Variants in RERE observed in about 807,000 individuals in gnomAD.
The protein encoded by RERE is arginine-glutamic acid dipeptide repeats.
In RERE, 40 loss-of-function variants were observed where a neutral mutation model predicts 146.1. The ratio of observed to expected loss-of-function variants is 0.27; its 90% CI spans 0.21 to 0.36. The LOEUF (loss-of-function observed/expected upper bound fraction) is 0.36, where lower values mean the gene tolerates loss of function less well. RERE is among the 10% of genes least tolerant of loss of function. The pLI is 1.00. For synonymous variants in RERE, 1,003 were observed against 866.0 expected (o/e 1.16, Z -2.78); for missense variants, 1,933 against 2,138.7 (o/e 0.90, Z 1.90).
intron 4 of RERE, among the ~76,000 whole-genome samples, chr1:8,580,003 C>A (rs1056169566): frequency 1.3e-5 from 2 of 151,848 alleles, no homozygotes; most frequent in Non-Finnish European, 2.9e-5. Context: ...GACTCCATCT[C>A]AAAAAAGACA....
At chr1:8,408,966 G>A (rs1643536665) in intron 12 of RERE, among the ~76,000 whole-genome samples, 1 of 152,176 alleles carries the variant, frequency 6.6e-6, no homozygotes, top group Non-Finnish European at 1.5e-5. Context: ...GGTAGGATGT[G>A]AGGTAGGAGA....
intron 4 of RERE, among the ~76,000 whole-genome samples, chr1:8,609,315 G>A (rs1172968173): frequency 6.6e-6 from 1 of 152,252 alleles, no homozygotes; most frequent in Non-Finnish European, 1.5e-5. Context: ...AGGCCCAGCC[G>A]GGTTCTCTGA....
intron 4 of RERE, among the ~76,000 whole-genome samples, chr1:8,600,627 T>G (rs562550736): frequency 6.6e-6 from 1 of 152,160 alleles, no homozygotes; most frequent in Admixed American, 6.5e-5. Context: ...TCCCCCACCT[T>G]CCAGAGAAAA....
chr1:8,567,961 AG>A (rs2124445227), intron 4 of RERE, among the ~76,000 whole-genome samples: 1 of 152,316 alleles, frequency 6.6e-6, no homozygotes, highest in Non-Finnish European at 1.5e-5. Flanking sequence ...GGTTAATATC[AG>A]GTGTCTGAAC....
intron 1 of RERE, among the ~76,000 whole-genome samples, chr1:8,788,133 T>G (rs1313433861): frequency 6.6e-6 from 1 of 151,910 alleles, no homozygotes; most frequent in Non-Finnish European, 1.5e-5. Flanking sequence ...GTGCTGTATG[T>G]ACAAGAAGTT....
chr1:8,767,439 A>C (rs1216115033), intron 1 of RERE, among the ~76,000 whole-genome samples: 1 of 152,064 alleles, frequency 6.6e-6, no homozygotes, highest in Non-Finnish European at 1.5e-5. Flanking sequence ...CATCTCTACA[A>C]AAAGCAAGTC....
rs532784492 is a variant in RERE, at chr1:8,549,504, G to A, written c.725+6971C>T. Among the ~76,000 whole-genome samples the A allele has an allele frequency of 4.6e-5, 7 of 152,132 alleles. No individual in the cohort carries two copies. The East Asian group carries it at 1.2e-3, about 25-fold the overall frequency. ...ACTACAGTGGAATTCCAATTAATAAGTGTAGAAGAAAAGAAAAAAAAATGA... is the reference window on the plus strand; with the variant it reads ...ACTACAGTGGAATTCCAATTAATAAATGTAGAAGAAAAGAAAAAAAAATGA... On this transcript the variant is annotated intron_variant, in intron 6 of 22. Coordinates refer to ENST00000400908, the MANE Select transcript of RERE (RefSeq NM_001042681.2).
intron 13 of RERE, among the ~76,000 whole-genome samples, chr1:8,365,080 A>AGGGCCT (rs1262503286): frequency 6.6e-6 from 1 of 152,200 alleles, no homozygotes; most frequent in East Asian, 1.9e-4. Context: ...GCCATACCCA[A>AGGGCCT]GGGCCTGCCC....
At chr1:8,386,244 C>T (rs1642678682) in intron 12 of RERE, among the ~76,000 whole-genome samples, 1 of 149,670 alleles carries the variant, frequency 6.7e-6, no homozygotes, top group South Asian at 2.1e-4. Context: ...TCAGAGAGAC[C>T]AAAAATAAAA....
At chr1:8,606,442 A>C (rs1570502274) in intron 4 of RERE, among the ~76,000 whole-genome samples, 3 of 152,214 alleles carry the variant, frequency 2.0e-5, no homozygotes, top group African/African-American at 7.2e-5. Context: ...TTTAAAAAAA[A>C]ATTACCAAGG....
intron 11 of RERE, among the ~76,000 whole-genome samples, chr1:8,463,021 G>A (rs1644546145): frequency 6.6e-6 from 1 of 152,208 alleles, no homozygotes; most frequent in African/African-American, 2.4e-5. Context: ...TTCCTGAGGT[G>A]AGAAAATGTG....
chr1:8,638,783 A>ATTTTTTT lies in RERE; in HGVS notation c.326-14410_326-14404dup, dbSNP rs34276909. On this transcript the variant is annotated intron_variant, in intron 2 of 22. Transcript: ENST00000400908. ...GAAGGAAACTCATAGACGAAAAAAA[A>ATTTTTTT]TTTTTTTTTTTTTTTTTTTTTTTTT... Among the ~76,000 whole-genome samples, 74 of 100,322 alleles carry ATTTTTTT rather than the reference A, an allele frequency of 7.4e-4. 2 individuals are homozygous for ATTTTTTT. The highest frequency in any genetic ancestry group is 2.9e-3 in the African/African-American group (69 of 23,848). 65.8% of individuals were successfully genotyped at this position (100,322 alleles called of 152,430 possible). A position where few individuals can be genotyped will look rare whatever the true frequency, so the allele number is the denominator to read the frequency against.
chr1:8,786,204 A>C, intron 1 of RERE: 1 of 798,506 alleles, frequency 1.3e-6, no homozygotes. Context: ...ACCTCGGTTC[A>C]TTCTTCTAAG....
chr1:8,474,219 C>T (rs1361450406), intron 10 of RERE, among the ~76,000 whole-genome samples: 2 of 152,186 alleles, frequency 1.3e-5, no homozygotes, highest in East Asian at 3.8e-4. Context: ...TTGCTATAAA[C>T]ATTAAATTAT....
At chr1:8,706,113 C>CA (rs61016240) in intron 1 of RERE, among the ~76,000 whole-genome samples, 1,561 of 68,948 alleles carry the variant, frequency 0.023, 18 homozygotes, top group African/African-American at 0.036. Flanking sequence ...ACTCCGTCTC[C>CA]AAAAAAAAAA....
chr1:8,607,534 C>CTTTTTTCTTTTTTT lies in RERE; in HGVS notation c.522+7026_522+7027insAAAAAAAGAAAAAA, dbSNP rs1646733411. 7.4e-4 allele frequency among the ~76,000 whole-genome samples: 36 copies of CTTTTTTCTTTTTTT among 48,586 alleles called. 1 individual carries two copies. Among genetic ancestry groups the CTTTTTTCTTTTTTT allele is most frequent in the African/African-American group, 2.6e-3 (30 of 11,666 alleles). 31.9% of individuals were successfully genotyped at this position (48,586 alleles called of 152,430 possible). A position where few individuals can be genotyped will look rare whatever the true frequency, so the allele number is the denominator to read the frequency against. On this transcript the variant is annotated intron_variant, in intron 4 of 22. Coordinates refer to ENST00000400908, the MANE Select transcript of RERE (RefSeq NM_001042681.2). ...CGCATATTTGTTTTTATATATATTT[C>CTTTTTTCTTTTTTT]TTTTTTTTTTTTTTTTTTTTTTTTT...
At chr1:8,503,044 G>A (rs1645198579) in intron 8 of RERE, among the ~76,000 whole-genome samples, 1 of 149,218 alleles carries the variant, frequency 6.7e-6, no homozygotes, top group African/African-American at 2.5e-5. Context: ...CTATGACCCT[G>A]CCAAATCCCC....
At chr1:8,685,459 C>G (rs1039481217) in intron 1 of RERE, among the ~76,000 whole-genome samples, 1 of 152,100 alleles carries the variant, frequency 6.6e-6, no homozygotes, top group African/African-American at 2.4e-5. Flanking sequence ...CGGTGGCTCA[C>G]GCCTGTAATC....
intron 4 of RERE, among the ~76,000 whole-genome samples, chr1:8,590,059 G>A (rs1438861233): frequency 6.6e-6 from 1 of 152,012 alleles, no homozygotes; most frequent in Non-Finnish European, 1.5e-5. Flanking sequence ...ACCACCTCAG[G>A]ACTAAGTCAG....
Sources: gnomAD v4.1 joint callset for allele counts (sites outside exome capture counted in the v4.1 genomes callset) on GRCh38, gnomAD v4.1.1 for gene constraint, MANE v1.5 for transcripts, NCBI Gene and HGNC (gene_info 2026-07-23, HGNC 2026-07-21) for gene names.